MGAT4C: variants seen among roughly 807,000 people sequenced by gnomAD.
MGAT4C encodes the protein alpha-1,3-mannosyl-glycoprotein 4-beta-N-acetylglucosaminyltransferase C.
Under a neutral mutation model 40.1 loss-of-function variants are expected in MGAT4C, and 19 were observed. That is an observed-to-expected ratio of 0.47 (90% CI 0.33 to 0.70). MGAT4C has a LOEUF of 0.70. Among genes scored for constraint, MGAT4C ranks in the 30% least tolerant of loss-of-function variants. MGAT4C has a pLI of 0.02. For missense variants in MGAT4C, 491 were observed against 563.2 expected (o/e 0.87, Z 1.30); for synonymous variants, 181 against 187.1 (o/e 0.97, Z 0.27).
intron 4 of MGAT4C, among the ~76,000 whole-genome samples, chr12:86,305,214 C>A (rs28570198): frequency 1.3e-5 from 2 of 150,178 alleles, no homozygotes; most frequent in Non-Finnish European, 2.9e-5. Context: ...CCGAAGCAGG[C>A]GGATCACCTG....
At chr12:86,569,769 C>A (rs7134480) in intron 2 of MGAT4C, among the ~76,000 whole-genome samples, 27 of 151,976 alleles carry the variant, frequency 1.8e-4, no homozygotes, top group South Asian at 1.5e-3. Flanking sequence ...TTATAATATC[C>A]AAAATAGAAA....
chr12:86,490,583 T>A (rs1958113041), intron 2 of MGAT4C, among the ~76,000 whole-genome samples: 1 of 151,904 alleles, frequency 6.6e-6, no homozygotes, highest in African/African-American at 2.4e-5. Context: ...ATATTAACTT[T>A]AAATGTAAAT....
intron 1 of MGAT4C, among the ~76,000 whole-genome samples, chr12:86,755,925 G>A (rs1398469659): frequency 1.3e-5 from 2 of 151,894 alleles, no homozygotes; most frequent in Admixed American, 6.6e-5. Flanking sequence ...TGGAGTTACA[G>A]ATGTGAGTCA....
intron 2 of MGAT4C, among the ~76,000 whole-genome samples, chr12:86,492,493 G>T (rs570970980): frequency 1.3e-5 from 2 of 151,850 alleles, no homozygotes; most frequent in Non-Finnish European, 2.9e-5. Flanking sequence ...ATAACACCGC[G>T]TATCTACAGC....
chr12:86,519,479 A>G (rs1158142256), intron 2 of MGAT4C, among the ~76,000 whole-genome samples: 1 of 152,130 alleles, frequency 6.6e-6, no homozygotes, highest in Non-Finnish European at 1.5e-5. Flanking sequence ...GGACCTCCAT[A>G]CTGTTCTCCA....
chr12:86,586,236 C>G (rs867870351), intron 2 of MGAT4C, among the ~76,000 whole-genome samples: 1 of 134,314 alleles, frequency 7.4e-6, no homozygotes, highest in African/African-American at 2.7e-5. Flanking sequence ...TTACTGAGAA[C>G]AATGATTTCC....
chr12:86,766,411 T>C (rs1157929982), intron 1 of MGAT4C, among the ~76,000 whole-genome samples: 1 of 152,036 alleles, frequency 6.6e-6, no homozygotes, highest in Non-Finnish European at 1.5e-5. Context: ...TCCCATACAT[T>C]AATAATGGGA....
chr12:86,363,524 T>C (rs1280144075), intron 3 of MGAT4C, among the ~76,000 whole-genome samples: 3 of 151,336 alleles, frequency 2.0e-5, no homozygotes, highest in Non-Finnish European at 3.0e-5. Context: ...AATTCTCAAA[T>C]CAGTAACTTA....
At chr12:86,108,053 T>A (rs550596683) in intron 1 of MGAT4C, among the ~76,000 whole-genome samples, 8 of 152,224 alleles carry the variant, frequency 5.3e-5, no homozygotes, top group Non-Finnish European at 1.0e-4. Context: ...TAGAGTAGCT[T>A]ACACATCTCA....
rs142513151 is a variant in MGAT4C, at chr12:86,623,987, G to A, written c.-229+103222C>T. ...TTCTACTAAAATTCTTGTCACCAGAGAATTTTCACTATTTGACCTGTCTGT... is the reference window on the plus strand; with the variant it reads ...TTCTACTAAAATTCTTGTCACCAGAAAATTTTCACTATTTGACCTGTCTGT... On this transcript the variant is annotated intron_variant, in intron 2 of 7. Coordinates refer to the MGAT4C transcript ENST00000548651. Among the ~76,000 whole-genome samples the A allele has an allele frequency of 3.1e-3, 476 of 152,168 alleles. 1 individual carries two copies. The highest frequency in any genetic ancestry group is 0.011 in the African/African-American group (460 of 41,540).
chr12:86,362,124 A>G (rs990606084), intron 3 of MGAT4C, among the ~76,000 whole-genome samples: 2 of 152,176 alleles, frequency 1.3e-5, no homozygotes, highest in South Asian at 2.1e-4. Flanking sequence ...AAGAAAATGT[A>G]GCACATATAC....
intron 2 of MGAT4C, among the ~76,000 whole-genome samples, chr12:86,459,426 AC>A (rs1957558914): frequency 6.6e-6 from 1 of 151,816 alleles, no homozygotes; most frequent in Non-Finnish European, 1.5e-5. Flanking sequence ...GCAGTTTACA[AC>A]CATGTTGTAA....
chr12:86,360,943 A>G (rs1955450457), intron 3 of MGAT4C, among the ~76,000 whole-genome samples: 1 of 152,200 alleles, frequency 6.6e-6, no homozygotes, highest in Non-Finnish European at 1.5e-5. Flanking sequence ...TGCCATCCCC[A>G]TCAAGCTACT....
At chr12:86,727,475 G>A (rs1950840909) in intron 1 of MGAT4C, among the ~76,000 whole-genome samples, 1 of 151,898 alleles carries the variant, frequency 6.6e-6, no homozygotes. Flanking sequence ...TTGAATCCAG[G>A]AAATGTTCTC....
intron 2 of MGAT4C, among the ~76,000 whole-genome samples, chr12:86,708,890 G>T (rs1184857819): frequency 6.6e-6 from 1 of 152,132 alleles, no homozygotes; most frequent in East Asian, 1.9e-4. Flanking sequence ...GATTTTACTG[G>T]CTCATAGGCA....
At position 86,585,727 on chromosome 12, in the gene MGAT4C, T is replaced by A. The variant is rs1030597099; in HGVS notation, c.-229+141482A>T. Among the ~76,000 whole-genome samples the A allele has an allele frequency of 3.0e-3, 452 of 149,704 alleles. 3 individuals carry two copies. Among genetic ancestry groups the A allele is most frequent in the African/African-American group, 0.01 (431 of 41,170 alleles). On this transcript the variant is annotated intron_variant, in intron 2 of 7. Coordinates refer to the MGAT4C transcript ENST00000548651. ...TTCCCAAATAGGCTCCATGTTTTAT[T>A]TTTTTTAATTTTTTTTTTAATTTTT...
intron 1 of MGAT4C, among the ~76,000 whole-genome samples, chr12:86,775,708 C>T (rs1296459785): frequency 6.6e-6 from 1 of 151,548 alleles, no homozygotes; most frequent in Non-Finnish European, 1.5e-5. Context: ...GGATAGTAAC[C>T]TTTGAAAGAA....
intron 2 of MGAT4C, among the ~76,000 whole-genome samples, chr12:86,618,698 A>G (rs944679052): frequency 1.3e-5 from 2 of 152,104 alleles, no homozygotes; most frequent in African/African-American, 4.8e-5. Flanking sequence ...GGTGGGGGAT[A>G]AAAAGAGGTA....
At chr12:86,009,398 A>T (rs1054767328) in intron 2 of MGAT4C, among the ~76,000 whole-genome samples, 16 of 152,096 alleles carry the variant, frequency 1.1e-4, no homozygotes, top group African/African-American at 3.6e-4. Flanking sequence ...CCCTCCCTGC[A>T]GTTGTGTTTT....
Sources: gnomAD v4.1 joint callset for allele counts (sites outside exome capture counted in the v4.1 genomes callset) on GRCh38, gnomAD v4.1.1 for gene constraint, MANE v1.5 for transcripts, NCBI Gene and HGNC (gene_info 2026-07-23, HGNC 2026-07-21) for gene names.